The following CDH18 variants were observed in gnomAD, a reference collection of about 807,000 sequenced individuals.
CDH18 encodes cadherin-18.
In CDH18, 31 loss-of-function variants were observed where a neutral mutation model predicts 67.9. The ratio of observed to expected loss-of-function variants is 0.46; its 90% confidence interval spans 0.34 to 0.62. The LOEUF (loss-of-function observed/expected upper bound fraction) is 0.62, where lower values mean the gene tolerates loss of function less well. Ranked by LOEUF, CDH18 falls within the 20% of genes least tolerant of loss-of-function variation. The pLI, the probability that CDH18 is intolerant of heterozygous loss-of-function variation, is 0.01. For missense variants in CDH18, 890 were observed against 975.5 expected, an observed-to-expected ratio of 0.91 and a Z score of 1.17; for synonymous variants, 362 against 347.2, an observed-to-expected ratio of 1.04 and a Z score of -0.48.
intron 2 of CDH18, among the ~76,000 whole-genome samples, chr5:20,090,828 AAGACCAT>A (rs1745355191): frequency 6.6e-6 from 1 of 151,978 alleles, no homozygotes; most frequent in African/African-American, 2.4e-5. Flanking sequence ...CCAGGTGTTC[AAGACCAT>A]TCTGGGCAAC....
chr5:20,194,436 A>G (rs753508721), intron 2 of CDH18, among the ~76,000 whole-genome samples: 1 of 152,058 alleles, frequency 6.6e-6, no homozygotes, highest in Non-Finnish European at 1.5e-5. Context: ...CTAAATCTAC[A>G]AAAAAGACCT....
chr5:19,819,468 G>T (rs1444645533), intron 3 of CDH18, among the ~76,000 whole-genome samples: 1 of 152,112 alleles, frequency 6.6e-6, no homozygotes, highest in Non-Finnish European at 1.5e-5. Flanking sequence ...AGACACCGAG[G>T]GTGAATAGGG....
chr5:20,301,520 C>T (rs963666289), intron 1 of CDH18, among the ~76,000 whole-genome samples: 6 of 152,102 alleles, frequency 3.9e-5, no homozygotes, highest in African/African-American at 1.4e-4. Context: ...TACCATACTA[C>T]GGGACAAATC....
intron 1 of CDH18, among the ~76,000 whole-genome samples, chr5:20,392,241 T>C (rs1474854928): frequency 1.3e-5 from 2 of 151,894 alleles, no homozygotes; most frequent in Admixed American, 6.6e-5. Flanking sequence ...GAATTATTTA[T>C]TATACAAGTT....
At chr5:20,212,442 C>A (rs1348786804) in intron 2 of CDH18, among the ~76,000 whole-genome samples, 1 of 152,046 alleles carries the variant, frequency 6.6e-6, no homozygotes, top group Non-Finnish European at 1.5e-5. Flanking sequence ...CACAAAGATA[C>A]TCCTCGAGAA....
At chr5:20,404,053 C>T (rs1746014512) in intron 1 of CDH18, among the ~76,000 whole-genome samples, 2 of 152,328 alleles carry the variant, frequency 1.3e-5, no homozygotes, top group South Asian at 4.1e-4. Context: ...GAGACGGCTT[C>T]TTTCCTCAAA....
At chr5:19,761,844 C>T (rs377548454) in intron 3 of CDH18, among the ~76,000 whole-genome samples, 2 of 152,316 alleles carry the variant, frequency 1.3e-5, no homozygotes, top group East Asian at 3.9e-4. Flanking sequence ...TCAAACTATA[C>T]TACAAGGCTA....
intron 5 of CDH18, among the ~76,000 whole-genome samples, chr5:19,711,283 C>T (rs1764664536): frequency 6.6e-6 from 1 of 151,860 alleles, no homozygotes; most frequent in Non-Finnish European, 1.5e-5. Flanking sequence ...ACAGCAAATG[C>T]AACAAATCAA....
At chr5:20,399,284 C>A (rs989336205) in intron 1 of CDH18, among the ~76,000 whole-genome samples, 5 of 151,572 alleles carry the variant, frequency 3.3e-5, no homozygotes, top group Admixed American at 1.3e-4. Flanking sequence ...TCAAAAGAGA[C>A]AATAGTGATG....
intron 7 of CDH18, among the ~76,000 whole-genome samples, chr5:19,588,586 CA>C (rs1472251194): frequency 6.6e-6 from 1 of 151,842 alleles, no homozygotes; most frequent in Non-Finnish European, 1.5e-5. Context: ...CTAAACCCCC[CA>C]ATAAAAAGAC....
chr5:19,776,717 G>C lies in CDH18; in HGVS notation c.229-29481C>G, dbSNP rs139436028. On this transcript the variant is annotated intron_variant, in intron 3 of 12. Coordinates refer to ENST00000382275, the MANE Select transcript of CDH18 (RefSeq NM_004934.5). ...AATGACTGTTATACACATTTTTTTA[G>C]TTGAGTGGCACCATAGTGAAATAAG... 8.3e-3 allele frequency among the ~76,000 whole-genome samples: 1,262 copies of C among 152,250 alleles called. 6 individuals are homozygous for C. The highest frequency in any genetic ancestry group is 0.014 in the Non-Finnish European group (977 of 68,008).
intron 2 of CDH18, among the ~76,000 whole-genome samples, chr5:20,064,340 ATTGACT>A (rs1742784545): frequency 1.3e-5 from 2 of 152,142 alleles, no homozygotes. Flanking sequence ...CAAAAGATGA[ATTGACT>A]TTATCAAGAA....
At chr5:20,438,250 A>ATATG (rs1467362306) in intron 1 of CDH18, among the ~76,000 whole-genome samples, 3 of 150,274 alleles carry the variant, frequency 2.0e-5, no homozygotes, top group African/African-American at 7.3e-5. Flanking sequence ...ATATATATAT[A>ATATG]TATGTATGTA....
At chr5:19,591,028 C>G in intron 7 of CDH18, 29 bp downstream of exon 7, 1 of 1,453,898 alleles carries the variant, frequency 6.9e-7, no homozygotes, top group Non-Finnish European at 9.4e-7. Context: ...AGTGAGTTGC[C>G]TGAATCACAA....
intron 2 of CDH18, among the ~76,000 whole-genome samples, chr5:19,996,697 G>A (rs1736046726): frequency 1.3e-5 from 2 of 151,574 alleles, no homozygotes; most frequent in Non-Finnish European, 3.0e-5. Context: ...TCATTTTCTT[G>A]TCTTCCTTTC....
intron 2 of CDH18, among the ~76,000 whole-genome samples, chr5:20,171,456 A>G (rs923792156): frequency 6.6e-6 from 1 of 151,916 alleles, no homozygotes; most frequent in Non-Finnish European, 1.5e-5. Flanking sequence ...GCATTTCTCT[A>G]ATGATCAGTG....
chr5:19,572,493 G>T (rs10079717), intron 7 of CDH18, among the ~76,000 whole-genome samples: 4 of 152,102 alleles, frequency 2.6e-5, no homozygotes, highest in African/African-American at 9.7e-5. Context: ...TACATTAAGG[G>T]TCAATATCAT....
chr5:20,123,279 A>T (rs1748522086), intron 2 of CDH18, among the ~76,000 whole-genome samples: 1 of 152,060 alleles, frequency 6.6e-6, no homozygotes, highest in Non-Finnish European at 1.5e-5. Context: ...CACTGTGGGG[A>T]ATTTAACTGA....
intron 2 of CDH18, among the ~76,000 whole-genome samples, chr5:20,146,575 T>G (rs2126546859): frequency 6.6e-6 from 1 of 151,674 alleles, no homozygotes; most frequent in East Asian, 1.9e-4. Context: ...CTCCAGTGCT[T>G]TATAGTGTAT....
Sources: gnomAD v4.1 joint callset for allele counts (sites outside exome capture counted in the v4.1 genomes callset) on GRCh38, gnomAD v4.1.1 for gene constraint, MANE v1.5 for transcripts, NCBI Gene and HGNC (gene_info 2026-07-23, HGNC 2026-07-21) for gene names.